Variants in CDH18 observed in about 807,000 individuals in gnomAD.
The protein encoded by CDH18 is cadherin 18, also known as cadherin-18.
Under a neutral mutation model 67.9 loss-of-function variants are expected in CDH18, and 31 were observed. The ratio of observed to expected loss-of-function variants is 0.46; its 90% CI spans 0.34 to 0.62. The LOEUF (loss-of-function observed/expected upper bound fraction) is 0.62, where lower values mean the gene tolerates loss of function less well. Among genes scored for constraint, CDH18 ranks in the 20% least tolerant of loss-of-function variants. CDH18 has a pLI of 0.01. For synonymous variants in CDH18, 362 were observed against 347.2 expected (o/e 1.04, Z -0.48); for missense variants, 890 against 975.5 (o/e 0.91, Z 1.17).
At chr5:20,409,162 G>C (rs977557669) in intron 1 of CDH18, among the ~76,000 whole-genome samples, 26 of 151,722 alleles carry the variant, frequency 1.7e-4, no homozygotes, top group African/African-American at 5.8e-4. Flanking sequence ...CAACACTATA[G>C]AGCGAATGAA....
At chr5:19,725,373 A>G (rs1002270175) in intron 4 of CDH18, among the ~76,000 whole-genome samples, 2 of 152,226 alleles carry the variant, frequency 1.3e-5, no homozygotes, top group South Asian at 2.1e-4. Context: ...CACTGAAAAA[A>G]CTAAAATAAA....
At chr5:20,398,303 T>C (rs538945938) in intron 1 of CDH18, among the ~76,000 whole-genome samples, 2 of 152,348 alleles carry the variant, frequency 1.3e-5, no homozygotes, top group South Asian at 4.1e-4. Flanking sequence ...TTTCTTAAAA[T>C]GTATACAGAT....
chr5:19,544,089 A>T (rs1735899112), intron 8 of CDH18, 84 bp from the exon 9 acceptor site: 2 of 516,102 alleles, frequency 3.9e-6, no homozygotes, highest in Non-Finnish European at 6.4e-6. Flanking sequence ...ATCTAAATAC[A>T]TTAAAATATT....
chr5:19,711,996 T>C (rs1342520282), intron 5 of CDH18, among the ~76,000 whole-genome samples: 1 of 152,120 alleles, frequency 6.6e-6, no homozygotes, highest in Non-Finnish European at 1.5e-5. Flanking sequence ...AATGAAATCA[T>C]GTCTTTTGCA....
intron 5 of CDH18, among the ~76,000 whole-genome samples, chr5:19,655,854 G>T (rs1368145343): frequency 6.6e-6 from 1 of 152,066 alleles, no homozygotes; most frequent in Admixed American, 6.6e-5. Context: ...CTAACAGGCT[G>T]TCAGCAATAA....
At chr5:19,607,576 A>T (rs1347586231) in intron 6 of CDH18, among the ~76,000 whole-genome samples, 1 of 151,398 alleles carries the variant, frequency 6.6e-6, no homozygotes, top group Non-Finnish European at 1.5e-5. Flanking sequence ...AGGGGAAAAA[A>T]GGAGAAGAAA....
chr5:19,687,036 T>C (rs1035724167), intron 5 of CDH18, among the ~76,000 whole-genome samples: 6 of 152,114 alleles, frequency 3.9e-5, no homozygotes, highest in African/African-American at 9.6e-5. Context: ...AGCAAAGAAG[T>C]GACAGGAAGC....
At chr5:19,828,366 ACAAGG>A (rs1780642700) in intron 3 of CDH18, among the ~76,000 whole-genome samples, 1 of 140,940 alleles carries the variant, frequency 7.1e-6, no homozygotes, top group African/African-American at 3.2e-5. Flanking sequence ...AACTCAGTCT[ACAAGG>A]CCAGCATCAT....
At chr5:19,627,988 G>A (rs76262962) in intron 5 of CDH18, among the ~76,000 whole-genome samples, 2,007 of 152,248 alleles carry the variant, frequency 0.013, 43 homozygotes, top group African/African-American at 0.046. Flanking sequence ...CAAGTTTTGA[G>A]CAGAGGAGTG....
At chr5:19,598,195 T>G (rs1235268009) in intron 6 of CDH18, among the ~76,000 whole-genome samples, 1 of 152,182 alleles carries the variant, frequency 6.6e-6, no homozygotes, top group East Asian at 1.9e-4. Context: ...TCTTTCACTT[T>G]TTTCTTAAAA....
At chr5:20,365,302 C>T (rs1276096485) in intron 1 of CDH18, among the ~76,000 whole-genome samples, 1 of 152,128 alleles carries the variant, frequency 6.6e-6, no homozygotes, top group Non-Finnish European at 1.5e-5. Context: ...CTCATGACCA[C>T]ATCTAATTCT....
intron 5 of CDH18, among the ~76,000 whole-genome samples, chr5:19,625,715 A>T (rs1426256622): frequency 1.3e-5 from 2 of 152,026 alleles, no homozygotes; most frequent in Non-Finnish European, 2.9e-5. Flanking sequence ...ATTATGGCCC[A>T]CTGAGACAGC....
intron 2 of CDH18, among the ~76,000 whole-genome samples, chr5:20,195,343 T>C (rs1425918720): frequency 1.3e-5 from 2 of 152,054 alleles, no homozygotes; most frequent in South Asian, 2.1e-4. Flanking sequence ...TATGTCTCTA[T>C]AATGTCTAAC....
intron 2 of CDH18, among the ~76,000 whole-genome samples, chr5:20,082,158 TA>T (rs1744536743): frequency 6.6e-6 from 1 of 152,026 alleles, no homozygotes; most frequent in African/African-American, 2.4e-5. Flanking sequence ...AAACCTGTGA[TA>T]TTAATCCTCA....
intron 1 of CDH18, among the ~76,000 whole-genome samples, chr5:20,357,137 T>C (rs1353701984): frequency 1.3e-5 from 2 of 151,974 alleles, no homozygotes; most frequent in Non-Finnish European, 2.9e-5. Flanking sequence ...CAGATGGCTT[T>C]TAATACATAC....
At chr5:20,547,231 C>T (rs562990702) in intron 1 of CDH18, among the ~76,000 whole-genome samples, 15 of 152,040 alleles carry the variant, frequency 9.9e-5, no homozygotes, top group African/African-American at 3.4e-4. Context: ...GCAATATAGG[C>T]TAGAATGTTG....
intron 1 of CDH18, among the ~76,000 whole-genome samples, chr5:20,499,940 T>A (rs543590248): frequency 2.6e-5 from 4 of 152,148 alleles, no homozygotes; most frequent in African/African-American, 9.7e-5. Context: ...TCCCCTCACC[T>A]TCACCAAAAG....
intron 2 of CDH18, among the ~76,000 whole-genome samples, chr5:20,213,999 A>G (rs1740563016): frequency 2.6e-5 from 4 of 152,082 alleles, no homozygotes; most frequent in Admixed American, 2.6e-4. Flanking sequence ...GTATCATGAT[A>G]CAAAATAAAC....
At chr5:20,574,423 G>C (rs187717952) in intron 1 of CDH18, among the ~76,000 whole-genome samples, 21 of 151,752 alleles carry the variant, frequency 1.4e-4, no homozygotes, top group African/African-American at 4.6e-4. Flanking sequence ...GTGACTCAGG[G>C]AACTTCACTC....
Sources: allele counts gnomAD v4.1 joint callset (sites outside exome capture counted in the v4.1 genomes callset), GRCh38; gene constraint gnomAD v4.1.1; transcripts MANE v1.5; gene names NCBI Gene and HGNC (gene_info 2026-07-23, HGNC 2026-07-21).